Variants in SPINK9 observed in about 807,000 individuals in gnomAD.
SPINK9 encodes serine protease inhibitor Kazal-type 9.
Under a neutral mutation model 10.8 loss-of-function variants are expected in SPINK9, and 3 were observed. That is an observed-to-expected ratio of 0.28 (90% confidence interval 0.13 to 0.72). The LOEUF is 0.72. Among genes scored for constraint, SPINK9 ranks in the 30% least tolerant of loss-of-function variants. SPINK9 has a pLI of 0.74. For missense variants in SPINK9, 101 were observed against 103.2 expected (o/e 0.98, Z 0.09); for synonymous variants, 30 against 31.2 (o/e 0.96, Z 0.12).
chr5:148,335,644 G>T lies in SPINK9; in HGVS notation c.31G>T (p.Ala11Ser). 6.2e-7 allele frequency: 1 copy of T among 1,613,544 alleles called. No homozygotes were observed. Among genetic ancestry groups the T allele is most frequent in the South Asian group, 1.1e-5 (1 of 91,066 alleles). Residue 11 changes from alanine (A) to serine (S), a missense_variant, in exon 1 of 4, where the codon GCT (alanine) becomes TCT (serine). By Grantham distance (99) the Ala-to-Ser change is moderately conservative. Transcript: ENST00000377906. Reference protein sequence around the residue: MRATAIVLLLALTLATMFSIE... With the variant: MRATAIVLLLSLTLATMFSIE... ...AGCAACAGCCATAGTCCTACTCTTG[G>T]CTCTGACACTTGCAACCATGTTCAG...
At chr5:148,333,399 C>T (rs1186980591), upstream of SPINK9, among the ~76,000 whole-genome samples, 7 of 152,210 alleles carry the variant, frequency 4.6e-5, no homozygotes, top group African/African-American at 1.7e-4. Flanking sequence ...CAGTATACAG[C>T]AGCAGCACAG....
At chr5:148,322,262 C>G (rs1757007831) in intron 1 of SPINK9, among the ~76,000 whole-genome samples, 1 of 152,168 alleles carries the variant, frequency 6.6e-6, no homozygotes, top group African/African-American at 2.4e-5. Context: ...CAAGTATACT[C>G]TGACACTGGG....
chr5:148,334,729 G>T (rs963959868), upstream of SPINK9, among the ~76,000 whole-genome samples: 1 of 151,800 alleles, frequency 6.6e-6, no homozygotes, highest in Non-Finnish European at 1.5e-5. Flanking sequence ...AAAAGAAGAC[G>T]GTCTTTCTCA....
chr5:148,322,449 GC>G (rs1393389120), intron 1 of SPINK9, among the ~76,000 whole-genome samples: 1 of 152,140 alleles, frequency 6.6e-6, no homozygotes, highest in Non-Finnish European at 1.5e-5. Flanking sequence ...CCAGTCAACA[GC>G]CTCATTTTAT....
chr5:148,325,994 A>G (rs1757054553), intron 2 of SPINK9, among the ~76,000 whole-genome samples: 1 of 152,156 alleles, frequency 6.6e-6, no homozygotes, highest in Admixed American at 6.6e-5. Flanking sequence ...TTGTCTTGGC[A>G]CCCTTGTCAA....
At chr5:148,321,841 G>A (rs1010735596) in intron 1 of SPINK9, among the ~76,000 whole-genome samples, 1 of 152,108 alleles carries the variant, frequency 6.6e-6, no homozygotes, top group African/African-American at 2.4e-5. Flanking sequence ...TAATCAATTT[G>A]TATGAGTAAA....
At chr5:148,337,809 G>A (rs1413784273) in intron 2 of SPINK9, among the ~76,000 whole-genome samples, 2 of 152,092 alleles carry the variant, frequency 1.3e-5, no homozygotes, top group African/African-American at 4.8e-5. Flanking sequence ...GCATTCAGAT[G>A]TGTTTGACTT....
At position 148,336,453 on chromosome 5, in the gene SPINK9, G is replaced by GCC; in HGVS notation, c.87_87+1insCC (p.Val30ProfsTer63). On this transcript the variant is annotated frameshift_variant and splice_region_variant. Transcript: ENST00000377906. LOFTEE classifies it high-confidence loss of function. The stretch of plus-strand genomic sequence containing the variant: ...AATGTGCCAAACAGACGAAACAGAT[G>GCC]GTCAGTACACCCATCCTACTTTTAT... 6.2e-7 allele frequency: 1 copy of GCC among 1,613,148 alleles called. No individual in the cohort carries two copies. Among genetic ancestry groups the GCC allele is most frequent in the Non-Finnish European group, 8.5e-7 (1 of 1,179,430 alleles).
chr5:148,328,427 A>T (rs1323354110), intron 2 of SPINK9, among the ~76,000 whole-genome samples: 1 of 152,190 alleles, frequency 6.6e-6, no homozygotes, highest in African/African-American at 2.4e-5. Context: ...TTTTCTAGAT[A>T]TACAAGCATG....
At chr5:148,324,728 A>ATTATTG (rs1554118975) in intron 2 of SPINK9, among the ~76,000 whole-genome samples, 2 of 151,978 alleles carry the variant, frequency 1.3e-5, no homozygotes, top group African/African-American at 4.8e-5. Flanking sequence ...TATTATTATT[A>ATTATTG]TTAATGGGAA....
chr5:148,330,762 T>G (rs998826623), upstream of SPINK9, among the ~76,000 whole-genome samples: 1 of 152,216 alleles, frequency 6.6e-6, no homozygotes, highest in Non-Finnish European at 1.5e-5. Context: ...CCTTCACTTA[T>G]GAAGCTTAGT....
At chr5:148,328,247 T>C (rs1306618857) in intron 2 of SPINK9, among the ~76,000 whole-genome samples, 20 of 152,186 alleles carry the variant, frequency 1.3e-4, no homozygotes, top group Admixed American at 1.1e-3. Context: ...GATTCCTAGG[T>C]ATTTTATTCT....
At chr5:148,331,493 G>C (rs763263612), upstream of SPINK9, among the ~76,000 whole-genome samples, 7 of 152,144 alleles carry the variant, frequency 4.6e-5, no homozygotes, top group Non-Finnish European at 8.8e-5. Flanking sequence ...GAGAGGGAAA[G>C]GGAAGACACT....
rs865906843 is a variant in SPINK9, at chr5:148,330,378, T to G, written c.119-6044T>G. 5.2e-4 allele frequency among the ~76,000 whole-genome samples: 79 copies of G among 152,326 alleles called. 1 individual carries two copies. The highest frequency in any genetic ancestry group is 6.8e-3 in the Middle Eastern group (2 of 294). The stretch of plus-strand genomic sequence containing the variant: ...GCTTGGTAGATCTTCCTCCATCCCT[T>G]TATTTTGAGCCTATGTGTTTGTCTG... On this transcript the variant is annotated intron_variant, in intron 2 of 4. Transcript: ENST00000511717.
At chr5:148,334,271 T>C (rs945006330), upstream of SPINK9, among the ~76,000 whole-genome samples, 15 of 152,066 alleles carry the variant, frequency 9.9e-5, no homozygotes. Context: ...ATGATTATGA[T>C]TTAGTAGGAT....
Position 148,336,467 on chromosome 5 carries a change from T to A in SPINK9, c.87+14T>A. ...ACGAAACAGATGGTCAGTACACCCA[T>A]CCTACTTTTATGTAATTTTAAAGTC... On this transcript the variant is annotated intron_variant, in intron 2 of 3. Coordinates refer to ENST00000377906, the MANE Select transcript of SPINK9 (RefSeq NM_001040433.2). The A allele has an allele frequency of 6.2e-7, 1 of 1,612,626 alleles. No homozygotes were observed. The highest frequency in any genetic ancestry group is 8.5e-7 in the Non-Finnish European group (1 of 1,178,912).
At chr5:148,338,948 G>A (rs1393732343) in intron 3 of SPINK9, among the ~76,000 whole-genome samples, 1 of 152,102 alleles carries the variant, frequency 6.6e-6, no homozygotes, top group Non-Finnish European at 1.5e-5. Flanking sequence ...GGGTCAAGGA[G>A]TATCCTCCCT....
intron 2 of SPINK9, chr5:148,324,000 T>G: frequency 2.1e-6 from 1 of 475,172 alleles, no homozygotes; most frequent in Non-Finnish European, 3.7e-6. Context: ...CATGCAAACA[T>G]GCTTTATAAA....
At chr5:148,329,776 C>A (rs1757122279) in intron 2 of SPINK9, among the ~76,000 whole-genome samples, 1 of 152,188 alleles carries the variant, frequency 6.6e-6, no homozygotes, top group South Asian at 2.1e-4. Flanking sequence ...AGTAGTCATT[C>A]AGGAGCAGGT....
Sources: allele counts gnomAD v4.1 joint callset (sites outside exome capture counted in the v4.1 genomes callset), GRCh38; gene constraint gnomAD v4.1.1; transcripts MANE v1.5; gene names NCBI Gene and HGNC (gene_info 2026-07-23, HGNC 2026-07-21).